The following PRPF8 variants were observed in gnomAD, a reference collection of about 807,000 sequenced individuals.
PRPF8 encodes the protein pre-mRNA-processing-splicing factor 8.
Under a neutral mutation model 285.9 loss-of-function variants are expected in PRPF8, and 64 were observed. The observed-to-expected ratio is 0.22, with a 90% CI of 0.18 to 0.28. The LOEUF (loss-of-function observed/expected upper bound fraction) is 0.28, where lower values mean the gene tolerates loss of function less well. PRPF8 is among the 10% of genes least tolerant of loss of function. The pLI is 1.00. For missense variants in PRPF8, 1,426 were observed against 3,026.7 expected (o/e 0.47, Z 12.41); for synonymous variants, 1,325 against 1,118.2 (o/e 1.18, Z -3.69).
Position 1,653,511 on chromosome 17 carries a change from C to T in PRPF8, c.6369+31G>A, listed in dbSNP as rs748814044. 9 of 1,614,162 alleles carry T rather than the reference C, an allele frequency of 5.6e-6. No homozygotes were observed. Among genetic ancestry groups the T allele is most frequent in the Non-Finnish European group, 7.6e-6 (9 of 1,179,984 alleles). On this transcript the variant is annotated intron_variant, in intron 39 of 42. Transcript: ENST00000304992. This position sits in a 1 kb window ranked among gnomAD's most constrained non-coding sequence, Gnocchi z 4.9. ...TTAGGCACAAAATGAGTTGGGCACA[C>T]ACTGTGGCCTAGCTGAGTCCACTTA...
rs140446903 is a variant in PRPF8, at chr17:1,660,543, C to T, written c.4674G>A (p.Thr1558=). The change falls in exon 30 of 43, where the codon ACG becomes ACA. Residue 1558 remains threonine, a synonymous_variant. Transcript: ENST00000304992. ...YVGFQVQLDL[T]GIFMHGKIPT... is the part of the protein sequence containing the mutation. ...GGATCTTGCCGTGCATGAAGATACC[C>T]GTCAGGTCTAGCTGCACCTGAAAGC... 9.0e-5 allele frequency: 146 copies of T among 1,614,166 alleles called. No homozygotes were observed. In the African/African-American group the frequency reaches 1.8e-3, roughly 20 times the overall value.
At chr17:1,663,906 G>C in intron 24 of PRPF8, among the ~76,000 whole-genome samples, 1 of 151,804 alleles carries the variant, frequency 6.6e-6, no homozygotes, top group Non-Finnish European at 1.5e-5. Flanking sequence ...GAATACAGAG[G>C]GATATTTGAT....
rs760189667 is a variant in PRPF8 at position 1,676,861 on chromosome 17, C to T, written c.2181+115G>A. 2.7e-6 allele frequency: 4 copies of T among 1,485,372 alleles called. No individual in the cohort carries two copies. The highest frequency in any genetic ancestry group is 2.8e-6 in the Non-Finnish European group (3 of 1,074,660). The allele number at this position is 1,485,372 out of a possible 1,614,324, so 92.0% of individuals were successfully genotyped here. A position where few individuals can be genotyped will look rare whatever the true frequency, so the allele number is the denominator to read the frequency against. On this transcript the variant is annotated intron_variant, in intron 15 of 42. Coordinates refer to ENST00000304992, the MANE Select transcript of PRPF8 (RefSeq NM_006445.4). The surrounding 1 kb of genome is among the most constrained non-coding windows in gnomAD (Gnocchi z 6.3). Reference sequence around the variant, plus strand: ...GCAACATGGTGCTTCTTTTCCCTGTCTAAAAGGGAAAAGAAAAGAGATTGG... The same window carrying T: ...GCAACATGGTGCTTCTTTTCCCTGTTTAAAAGGGAAAAGAAAAGAGATTGG...
chr17:1,679,722 G>T lies in PRPF8; in HGVS notation c.1176C>A (p.Pro392=). 1 of 1,614,156 alleles carries T rather than the reference G, an allele frequency of 6.2e-7. No individual in the cohort carries two copies. The highest frequency in any genetic ancestry group is 8.5e-7 in the Non-Finnish European group (1 of 1,180,022). The change falls in exon 9 of 43, where the codon CCC becomes CCA. Residue 392 remains proline, a synonymous_variant. Coordinates refer to ENST00000304992, the MANE Select transcript of PRPF8 (RefSeq NM_006445.4). This position sits in a 1 kb window ranked among gnomAD's most constrained non-coding sequence, Gnocchi z 4.7. The stretch of plus-strand genomic sequence containing the variant: ...CATTGGCTGTATTGTCTGTATAGAG[G>T]GGTGTGTCCTTCAGGAAGGGCTCCA... ...EFVEPFLKDT[P]LYTDNTANGI... is the part of the protein sequence containing the mutation.
intron 24 of PRPF8, among the ~76,000 whole-genome samples, chr17:1,669,783 T>G (rs1028657651): frequency 2.0e-5 from 3 of 152,104 alleles, no homozygotes; most frequent in Admixed American, 2.0e-4. Context: ...AAGGCCTTGG[T>G]TCCAAGACCC....
intron 24 of PRPF8, among the ~76,000 whole-genome samples, chr17:1,670,644 G>A (rs755915933): frequency 4.4e-4 from 67 of 152,166 alleles, no homozygotes; most frequent in East Asian, 7.7e-4. Context: ...GCACCACCAC[G>A]CCCGGCTAAT....
At chr17:1,663,908 A>G (rs1429069750) in intron 24 of PRPF8, among the ~76,000 whole-genome samples, 1 of 152,146 alleles carries the variant, frequency 6.6e-6, no homozygotes, top group African/African-American at 2.4e-5. Flanking sequence ...ATACAGAGGG[A>G]TATTTGATAC....
chr17:1,661,369 G>A lies in PRPF8; in HGVS notation c.4240C>T (p.Arg1414Cys). 6.2e-7 allele frequency: 1 copy of A among 1,614,148 alleles called. No homozygotes were observed. The highest frequency in any genetic ancestry group is 8.5e-7 in the Non-Finnish European group (1 of 1,180,030). Reference sequence around the variant, plus strand: ...AGGGTATTGATTCGAGGAATGCCACGATCCCATGAATCTTCTAGGTCTTCT... The same window carrying A: ...AGGGTATTGATTCGAGGAATGCCACAATCCCATGAATCTTCTAGGTCTTCT... ...TLEDLEDSWD[R>C]GIPRINTLFQ... Residue 1414 changes from arginine (R) to cysteine (C), a missense_variant, in exon 27 of 43, where the codon CGT (arginine) becomes TGT (cysteine). This residue lies in a region of PRPF8 where 40 missense variants were observed against 121.6 expected (regional missense o/e 0.33). Transcript: ENST00000304992. The surrounding 1 kb of genome is among the most constrained non-coding windows in gnomAD (Gnocchi z 7.3).
At chr17:1,663,421 T>C (rs750145104) in intron 24 of PRPF8, among the ~76,000 whole-genome samples, 4 of 151,924 alleles carry the variant, frequency 2.6e-5, no homozygotes, top group Non-Finnish European at 5.9e-5. Context: ...AAATTGGATT[T>C]AAATAAAAAG....
intron 24 of PRPF8, among the ~76,000 whole-genome samples, chr17:1,667,154 T>C (rs980527898): frequency 5.4e-5 from 8 of 148,704 alleles, no homozygotes; most frequent in African/African-American, 7.7e-5. Context: ...GCCTGGGCAA[T>C]AGAGCAAGAC....
chr17:1,656,598 G>A lies in PRPF8; in HGVS notation c.5620-33C>T, dbSNP rs775652906. ...AAGATCAAGTCCAAGATGAGAAACA[G>A]CCTGAAGGTCTCAAGGTCTCTTTTC... On this transcript the variant is annotated intron_variant, in intron 35 of 42. Coordinates refer to ENST00000304992, the MANE Select transcript of PRPF8 (RefSeq NM_006445.4). 6.2e-6 allele frequency: 10 copies of A among 1,614,032 alleles called. No homozygotes were observed. In the African/African-American group the frequency reaches 1.3e-4, roughly 22 times the overall value.
chr17:1,674,531 G>C lies in PRPF8; in HGVS notation c.3210C>G (p.Asp1070Glu). Residue 1070 changes from aspartate to glutamate, a missense_variant, in exon 21 of 43, where the codon GAC (aspartate) becomes GAG (glutamate). This residue lies in a region of PRPF8 where 148 missense variants were observed against 196.2 expected (regional missense o/e 0.75). Transcript: ENST00000304992. The part of the protein sequence containing the change: ...EMAGPPQMPN[D>E]FLSFQDIATE... Reference sequence around the variant, plus strand: ...TGGCTATGTCCTGGAAACTGAGAAAGTCATTTGGCATCTGAGGGGGCCCAG... The same window carrying C: ...TGGCTATGTCCTGGAAACTGAGAAACTCATTTGGCATCTGAGGGGGCCCAG... 1 of 1,614,176 alleles carries C rather than the reference G, an allele frequency of 6.2e-7. No homozygotes were observed. The highest frequency in any genetic ancestry group is 8.5e-7 in the Non-Finnish European group (1 of 1,180,034).
chr17:1,665,517 G>C (rs1250106570), intron 24 of PRPF8, among the ~76,000 whole-genome samples: 1 of 148,368 alleles, frequency 6.7e-6, no homozygotes, highest in Admixed American at 6.8e-5. Context: ...CAGCCTGGGC[G>C]ACAGAGCAAG....
Position 1,659,000 on chromosome 17 carries a change from T to G in PRPF8, c.5139-237A>C. ...GTTAAAGTATGGAGCTAATGGAAAATACACGGATTATTTATTTATTTATTA... is the reference window on the plus strand; with the variant it reads ...GTTAAAGTATGGAGCTAATGGAAAAGACACGGATTATTTATTTATTTATTA... On this transcript the variant is annotated intron_variant, in intron 32 of 42. Coordinates refer to ENST00000304992, the MANE Select transcript of PRPF8 (RefSeq NM_006445.4). The surrounding 1 kb of genome is among the most constrained non-coding windows in gnomAD (Gnocchi z 4.1). The G allele has an allele frequency of 1.6e-6, 1 of 619,160 alleles. No homozygotes were observed. The highest frequency in any genetic ancestry group is 2.9e-6 in the Non-Finnish European group (1 of 349,868). The allele number at this position is 619,160 out of a possible 1,614,324, so 38.4% of individuals were successfully genotyped here.
In PRPF8 at chr17:1,653,150, G is replaced by A. The variant is rs1407950725; in HGVS notation, c.6369+392C>T. The A allele has an allele frequency of 5.5e-6, 2 of 364,558 alleles. No homozygotes were observed. Among genetic ancestry groups the A allele is most frequent in the African/African-American group, 2.1e-5 (1 of 47,576 alleles). The allele number at this position is 364,558 out of a possible 1,614,324, so 22.6% of individuals were successfully genotyped here. ...AGACAGGGTTTCACCATATTGGTCA[G>A]GCTGGTCTCAAACCCCTGACCTCAG... is the stretch of plus-strand genomic sequence containing the variant. On this transcript the variant is annotated intron_variant, in intron 39 of 42. Transcript: ENST00000304992. The surrounding 1 kb of genome is among the most constrained non-coding windows in gnomAD (Gnocchi z 4.9).
chr17:1,674,124 G>C (rs182400119), intron 21 of PRPF8, among the ~76,000 whole-genome samples: 2 of 152,152 alleles, frequency 1.3e-5, no homozygotes, highest in African/African-American at 2.4e-5. Flanking sequence ...CCAGGTTCAC[G>C]CCCTTCTCCA....
Position 1,679,752 on chromosome 17 carries a change from C to G in PRPF8, c.1146G>C (p.Glu382Asp), listed in dbSNP as rs757019075. The G allele has an allele frequency of 1.8e-5, 29 of 1,614,060 alleles. No homozygotes were observed. The highest frequency in any genetic ancestry group is 2.3e-5 in the Non-Finnish European group (27 of 1,180,054). Residue 382 changes from glutamate (E) to aspartate (D), a missense_variant, in exon 9 of 43, where the codon GAG (glutamate) becomes GAC (aspartate). By Grantham distance (45) the Glu-to-Asp change is conservative. Transcript: ENST00000304992. This position sits in a 1 kb window ranked among gnomAD's most constrained non-coding sequence, Gnocchi z 4.7. ...TGTCCTTCAGGAAGGGCTCCACAAA[C>G]TCCGGGAGCTCAAATTCCTCATCAT... ...PDDDEEFELP[E>D]FVEPFLKDTP... is the part of the protein sequence containing the mutation.
chr17:1,663,211 A>G (rs1280179710), intron 24 of PRPF8, among the ~76,000 whole-genome samples: 1 of 152,184 alleles, frequency 6.6e-6, no homozygotes, highest in Non-Finnish European at 1.5e-5. Flanking sequence ...GAAAAAAACC[A>G]TGTAGCCAAA....
At chr17:1,678,042 C>T (rs141036606) in intron 13 of PRPF8, among the ~76,000 whole-genome samples, 8 of 152,250 alleles carry the variant, frequency 5.3e-5, no homozygotes, top group East Asian at 1.9e-4. Flanking sequence ...AGGCTGGGCA[C>T]GGTGACTCAC....
Sources: allele counts gnomAD v4.1 joint callset (sites outside exome capture counted in the v4.1 genomes callset), GRCh38; gene constraint gnomAD v4.1.1; regional missense constraint gnomAD v4.1.1; non-coding constraint Gnocchi (gnomAD v3.1); transcripts MANE v1.5; gene names NCBI Gene and HGNC (gene_info 2026-07-23, HGNC 2026-07-21).